The following MNAT1 variants were observed in gnomAD, a reference collection of about 807,000 sequenced individuals.
The protein encoded by MNAT1 is CDK-activating kinase assembly factor MAT1.
In MNAT1, 43 loss-of-function variants were observed where a neutral mutation model predicts 42.0. The ratio of observed to expected loss-of-function variants is 1.02; its 90% CI spans 0.80 to 1.32. The LOEUF is 1.32. Among genes scored for constraint, MNAT1 ranks in the 40% most tolerant of loss-of-function variants. MNAT1 has a pLI of 0.00. For missense variants in MNAT1, 306 were observed against 350.4 expected (o/e 0.87, Z 1.01); for synonymous variants, 118 against 120.0 (o/e 0.98, Z 0.11).
At chr14:60,889,475 T>A (rs1489634202) in intron 7 of MNAT1, among the ~76,000 whole-genome samples, 1 of 152,122 alleles carries the variant, frequency 6.6e-6, no homozygotes, top group African/African-American at 2.4e-5. Context: ...GACTTAAACG[T>A]TAGATCTAAA....
At chr14:60,957,156 G>A (rs141295429) in intron 7 of MNAT1, among the ~76,000 whole-genome samples, 94 of 151,988 alleles carry the variant, frequency 6.2e-4, no homozygotes, top group African/African-American at 2.1e-3. Flanking sequence ...CATCTTTTGT[G>A]TATCTACTGT....
intron 7 of MNAT1, among the ~76,000 whole-genome samples, chr14:60,927,385 A>G (rs1280812158): frequency 6.6e-6 from 1 of 152,228 alleles, no homozygotes; most frequent in East Asian, 1.9e-4. Context: ...CATACCACAA[A>G]GGTAACGCAT....
At chr14:60,792,367 G>T (rs1442160095) in intron 1 of MNAT1, among the ~76,000 whole-genome samples, 1 of 151,960 alleles carries the variant, frequency 6.6e-6, no homozygotes, top group Non-Finnish European at 1.5e-5. Flanking sequence ...AGACAAGTTA[G>T]GTTTATTTTG....
At chr14:60,768,836 C>T (rs1221888737) in intron 1 of MNAT1, among the ~76,000 whole-genome samples, 1 of 152,156 alleles carries the variant, frequency 6.6e-6, no homozygotes, top group African/African-American at 2.4e-5. Context: ...ATCACCATGC[C>T]ATAATACACT....
At position 60,968,211 on chromosome 14, in the gene MNAT1, C is replaced by T; in HGVS notation, c.810-18C>T. Reference sequence around the variant, plus strand: ...ATTTGCTTTGTATATCAATGCTACACTTCTTGTTTTGTTTTAGGTATTTAA... The same window carrying T: ...ATTTGCTTTGTATATCAATGCTACATTTCTTGTTTTGTTTTAGGTATTTAA... On this transcript the variant is annotated intron_variant, in intron 7 of 7. Transcript: ENST00000261245. 6.3e-7 allele frequency: 1 copy of T among 1,577,000 alleles called. No individual in the cohort carries two copies. Among genetic ancestry groups the T allele is most frequent in the South Asian group, 1.1e-5 (1 of 88,808 alleles).
intron 7 of MNAT1, among the ~76,000 whole-genome samples, chr14:60,881,563 C>T (rs1455718177): frequency 1.3e-5 from 2 of 151,826 alleles, no homozygotes; most frequent in East Asian, 3.9e-4. Flanking sequence ...AGGATATTGG[C>T]TCATAGTGTT....
intron 7 of MNAT1, among the ~76,000 whole-genome samples, chr14:60,922,732 A>G (rs994899492): frequency 1.3e-5 from 2 of 152,186 alleles, no homozygotes; most frequent in Non-Finnish European, 2.9e-5. Flanking sequence ...TTGTTAGTCA[A>G]ATGGAATAGT....
Position 60,936,887 on chromosome 14 carries a change from G to T in MNAT1, c.810-31342G>T, listed in dbSNP as rs559364187. On this transcript the variant is annotated intron_variant, in intron 7 of 7. Transcript: ENST00000261245. ...TTTCTCCACATCCTCTCCAGCACCTGTTGTTTCCTGACTTTTTAATGATCA... is the reference window on the plus strand; with the variant it reads ...TTTCTCCACATCCTCTCCAGCACCTTTTGTTTCCTGACTTTTTAATGATCA... 6.7e-3 allele frequency among the ~76,000 whole-genome samples: 1,023 copies of T among 152,194 alleles called. 2 individuals carry two copies. Among genetic ancestry groups the T allele is most frequent in the Non-Finnish European group, 0.011 (772 of 68,000 alleles).
At chr14:60,854,613 G>T (rs76402889) in intron 6 of MNAT1, among the ~76,000 whole-genome samples, 1 of 152,138 alleles carries the variant, frequency 6.6e-6, no homozygotes, top group Non-Finnish European at 1.5e-5. Flanking sequence ...CTGTTCACTT[G>T]GGTATCACCA....
chr14:60,746,256 C>T (rs12435775), intron 1 of MNAT1, among the ~76,000 whole-genome samples: 1 of 152,162 alleles, frequency 6.6e-6, no homozygotes, highest in African/African-American at 2.4e-5. Context: ...TAGCTCACAC[C>T]TGTAATCCCA....
chr14:60,901,271 C>G (rs1236448916), intron 7 of MNAT1, among the ~76,000 whole-genome samples: 2 of 152,116 alleles, frequency 1.3e-5, no homozygotes, highest in African/African-American at 2.4e-5. Context: ...TTGAAGCCCA[C>G]TCTTGAGACT....
At chr14:60,790,613 G>A (rs1566766652) in intron 1 of MNAT1, among the ~76,000 whole-genome samples, 1 of 152,110 alleles carries the variant, frequency 6.6e-6, no homozygotes, top group African/African-American at 2.4e-5. Flanking sequence ...ATAAAAGCAA[G>A]CTGTACTCGA....
At chr14:60,803,195 A>G (rs911725344) in intron 3 of MNAT1, among the ~76,000 whole-genome samples, 3 of 152,058 alleles carry the variant, frequency 2.0e-5, no homozygotes, top group African/African-American at 7.2e-5. Flanking sequence ...TTGGCCTCCC[A>G]AAGTGCTGGG....
chr14:60,910,468 A>G (rs2035323724), intron 7 of MNAT1, among the ~76,000 whole-genome samples: 1 of 152,218 alleles, frequency 6.6e-6, no homozygotes, highest in Admixed American at 6.5e-5. Flanking sequence ...GGTTTGTCAT[A>G]GATAGCTCTT....
intron 6 of MNAT1, among the ~76,000 whole-genome samples, chr14:60,876,587 T>TAG (rs2034440766): frequency 6.6e-6 from 1 of 152,060 alleles, no homozygotes; most frequent in Admixed American, 6.6e-5. Context: ...CTCTTTCCCA[T>TAG]GTTCCTAGTC....
chr14:60,926,407 A>C (rs1390005164), intron 7 of MNAT1, among the ~76,000 whole-genome samples: 1 of 152,214 alleles, frequency 6.6e-6, no homozygotes, highest in African/African-American at 2.4e-5. Flanking sequence ...TCCACTTCAG[A>C]TGCCAGTCAC....
At chr14:60,951,266 C>CTTTTTTTTTTTT (rs33970682) in intron 7 of MNAT1, among the ~76,000 whole-genome samples, 2 of 87,886 alleles carry the variant, frequency 2.3e-5, no homozygotes, top group African/African-American at 8.8e-5. Context: ...CTTCCCCTCC[C>CTTTTTTTTTTTT]TTTTTTTTTT....
intron 7 of MNAT1, among the ~76,000 whole-genome samples, chr14:60,894,018 C>T (rs2034898439): frequency 6.6e-6 from 1 of 152,110 alleles, no homozygotes; most frequent in Admixed American, 6.6e-5. Context: ...TTCTGTCCCT[C>T]CCCAGACTCG....
intron 1 of MNAT1, among the ~76,000 whole-genome samples, chr14:60,771,703 T>C (rs2031063805): frequency 6.6e-6 from 1 of 152,182 alleles, no homozygotes. Flanking sequence ...TGCCCTACAT[T>C]TTCTTCTTTC....
Sources: allele counts gnomAD v4.1 joint callset (sites outside exome capture counted in the v4.1 genomes callset), GRCh38; gene constraint gnomAD v4.1.1; transcripts MANE v1.5; gene names NCBI Gene and HGNC (gene_info 2026-07-23, HGNC 2026-07-21).